CNBD1: variants seen among roughly 807,000 people sequenced by gnomAD.
CNBD1 encodes cyclic nucleotide-binding domain-containing protein 1.
Under a neutral mutation model 54.4 loss-of-function variants are expected in CNBD1, and 71 were observed. The ratio of observed to expected loss-of-function variants is 1.30; its 90% CI spans 1.08 to 1.59. CNBD1 has a LOEUF of 1.59. Ranked by LOEUF, CNBD1 falls within the 40% of genes most tolerant of loss-of-function variation. The pLI, the probability that CNBD1 is intolerant of heterozygous loss-of-function variation, is 0.00. For missense variants in CNBD1, 659 were observed against 518.0 expected (o/e 1.27, Z -2.64); for synonymous variants, 182 against 170.7 (o/e 1.07, Z -0.51).
intron 4 of CNBD1, among the ~76,000 whole-genome samples, chr8:87,110,806 A>T (rs1035685352): frequency 9.9e-5 from 15 of 152,258 alleles, no homozygotes; most frequent in Admixed American, 3.3e-4. Flanking sequence ...ATTATCCACC[A>T]CATGTGAATG....
intron 2 of CNBD1, among the ~76,000 whole-genome samples, chr8:87,422,829 T>A (rs62528191): frequency 3.2e-4 from 49 of 152,240 alleles, no homozygotes; most frequent in African/African-American, 1.0e-3. Flanking sequence ...TGGTAGCTTG[T>A]TGGGGATGGC....
chr8:86,886,339 A>G (rs1474769668), intron 1 of CNBD1, among the ~76,000 whole-genome samples: 1 of 152,162 alleles, frequency 6.6e-6, no homozygotes, highest in Non-Finnish European at 1.5e-5. Context: ...CTAACACACA[A>G]TTTGGTAACT....
chr8:87,140,390 A>G (rs143350838), intron 4 of CNBD1, among the ~76,000 whole-genome samples: 116 of 152,248 alleles, frequency 7.6e-4, no homozygotes, highest in African/African-American at 2.7e-3. Flanking sequence ...CTTCTCATTT[A>G]TTATTGTGAC....
At position 87,390,673 on chromosome 8, in the gene CNBD1, G is replaced by T. The variant is rs144315852; in HGVS notation, c.213+36887G>T. 1.4e-4 allele frequency among the ~76,000 whole-genome samples: 21 copies of T among 152,288 alleles called. 1 individual carries two copies. The highest frequency in any genetic ancestry group is 3.4e-3 in the Middle Eastern group (1 of 294). The stretch of plus-strand genomic sequence containing the variant: ...ATAAACTAGTTCAACCATTGTGGAA[G>T]TGAGTGTGATGATTCCTCAGGGATC... On this transcript the variant is annotated intron_variant, in intron 2 of 7. Transcript: ENST00000521593.
At chr8:87,399,487 C>T (rs900528061) in intron 2 of CNBD1, among the ~76,000 whole-genome samples, 1 of 152,026 alleles carries the variant, frequency 6.6e-6, no homozygotes, top group African/African-American at 2.4e-5. Context: ...AGCTTTGCCT[C>T]TGGAATGAGA....
At chr8:86,870,071 T>G (rs903142273) in intron 1 of CNBD1, among the ~76,000 whole-genome samples, 5 of 152,036 alleles carry the variant, frequency 3.3e-5, no homozygotes, top group African/African-American at 9.7e-5. Context: ...CAAAAATGTT[T>G]TAATTCACCA....
intron 3 of CNBD1, among the ~76,000 whole-genome samples, chr8:86,918,494 G>A (rs2131822141): frequency 6.6e-6 from 1 of 152,164 alleles, no homozygotes; most frequent in South Asian, 2.1e-4. Flanking sequence ...ATGTGTTGTG[G>A]GGAGGACCTG....
intron 2 of CNBD1, 142 bp from the exon 3 acceptor site, chr8:86,904,939 A>G: frequency 2.5e-6 from 1 of 394,598 alleles, no homozygotes; most frequent in Non-Finnish European, 4.5e-6. Flanking sequence ...TAAAGCACAA[A>G]ATATTTATAT....
intron 10 of CNBD1, among the ~76,000 whole-genome samples, chr8:87,377,218 T>C (rs574137125): frequency 6.6e-6 from 1 of 151,692 alleles, no homozygotes; most frequent in East Asian, 1.9e-4. Context: ...TAGTTACATA[T>C]GTATACATGT....
In CNBD1 at chr8:87,245,612, T is replaced by G. The variant is rs142961944; in HGVS notation, c.771+8500T>G. Among the ~76,000 whole-genome samples the G allele has an allele frequency of 3.1e-3, 477 of 151,870 alleles. 2 individuals carry two copies. Among genetic ancestry groups the G allele is most frequent in the African/African-American group, 0.011 (446 of 41,472 alleles). The stretch of plus-strand genomic sequence containing the variant: ...AAATAATTTCAACTTTATGTAAGAT[T>G]AAAAAAAAGTGTTATATTTGAAGGT... On this transcript the variant is annotated intron_variant, in intron 6 of 10. Transcript: ENST00000518476.
chr8:86,927,867 C>A (rs1670392459), intron 3 of CNBD1, among the ~76,000 whole-genome samples: 1 of 152,046 alleles, frequency 6.6e-6, no homozygotes, highest in Non-Finnish European at 1.5e-5. Flanking sequence ...GACGTAAGTC[C>A]TCCAATAATT....
chr8:86,873,178 C>T (rs901129246), intron 1 of CNBD1, among the ~76,000 whole-genome samples: 4 of 151,172 alleles, frequency 2.6e-5, no homozygotes, highest in South Asian at 4.2e-4. Context: ...CTTGGTTCAC[C>T]GTAACTTCTG....
chr8:87,274,735 TG>T (rs1808440414), intron 6 of CNBD1, among the ~76,000 whole-genome samples: 1 of 133,912 alleles, frequency 7.5e-6, no homozygotes. Context: ...TTCACTCTGA[TG>T]GTAGTTTCTT....
intron 8 of CNBD1, among the ~76,000 whole-genome samples, chr8:87,337,565 G>T (rs1205301901): frequency 6.6e-6 from 1 of 152,224 alleles, no homozygotes; most frequent in Non-Finnish European, 1.5e-5. Context: ...GAGAATCTGT[G>T]TGGCTCCATG....
chr8:87,036,594 T>TTAAAAAA (rs762075391), intron 4 of CNBD1, among the ~76,000 whole-genome samples: 11 of 64,744 alleles, frequency 1.7e-4, no homozygotes, highest in African/African-American at 6.6e-4. Flanking sequence ...ACTGCATCTC[T>TTAAAAAA]AAAAAAAAAA....
At chr8:87,369,208 T>C (rs1240385144) in intron 10 of CNBD1, among the ~76,000 whole-genome samples, 1 of 151,974 alleles carries the variant, frequency 6.6e-6, no homozygotes, top group Non-Finnish European at 1.5e-5. Flanking sequence ...AGGAAACATA[T>C]TTTTCTTTTA....
intron 8 of CNBD1, among the ~76,000 whole-genome samples, chr8:87,302,379 T>A (rs150400290): frequency 2.6e-5 from 4 of 151,602 alleles, no homozygotes; most frequent in African/African-American, 9.7e-5. Context: ...CAGAACCAAT[T>A]ACAAAAACCA....
At chr8:87,401,780 T>C (rs1807569718) in intron 2 of CNBD1, among the ~76,000 whole-genome samples, 1 of 152,024 alleles carries the variant, frequency 6.6e-6, no homozygotes. Flanking sequence ...AAGCTATACA[T>C]AAATATTGAG....
chr8:87,042,667 G>C (rs895398846), intron 4 of CNBD1, among the ~76,000 whole-genome samples: 5 of 152,038 alleles, frequency 3.3e-5, no homozygotes, highest in African/African-American at 1.2e-4. Flanking sequence ...TCAACAGAGT[G>C]TGTTATATTC....
Sources: allele counts gnomAD v4.1 joint callset (sites outside exome capture counted in the v4.1 genomes callset), GRCh38; gene constraint gnomAD v4.1.1; transcripts MANE v1.5; gene names NCBI Gene and HGNC (gene_info 2026-07-23, HGNC 2026-07-21).